RPS6KA2: variants seen among roughly 807,000 people sequenced by gnomAD.
RPS6KA2 encodes ribosomal protein S6 kinase A2.
Under a neutral mutation model 91.8 loss-of-function variants are expected in RPS6KA2, and 42 were observed. That is an observed-to-expected ratio of 0.46 (90% CI 0.36 to 0.59). The LOEUF (loss-of-function observed/expected upper bound fraction) is 0.59, where lower values mean the gene tolerates loss of function less well. Among genes scored for constraint, RPS6KA2 ranks in the 20% least tolerant of loss-of-function variants. RPS6KA2 has a pLI of 0.00. For missense variants in RPS6KA2, 798 were observed against 978.5 expected, an observed-to-expected ratio of 0.82 and a Z score of 2.46; for synonymous variants, 414 against 393.6, an observed-to-expected ratio of 1.05 and a Z score of -0.61.
chr6:166,601,525 A>G (rs953786127), intron 1 of RPS6KA2, among the ~76,000 whole-genome samples: 1 of 152,228 alleles, frequency 6.6e-6, no homozygotes, highest in African/African-American at 2.4e-5. Context: ...CTTCTTTTAA[A>G]CTGATGGTTA....
chr6:166,851,054 A>G (rs1285792009), intron 2 of RPS6KA2, among the ~76,000 whole-genome samples: 2 of 152,236 alleles, frequency 1.3e-5, no homozygotes, highest in Admixed American at 1.3e-4. Context: ...TCTCTGCTAT[A>G]CTTAGCAAAT....
At chr6:166,859,371 C>G (rs975046783) in intron 1 of RPS6KA2, among the ~76,000 whole-genome samples, 5 of 152,202 alleles carry the variant, frequency 3.3e-5, no homozygotes, top group African/African-American at 1.2e-4. Flanking sequence ...TATCTTGCCC[C>G]CAAAGCACGC....
intron 2 of RPS6KA2, among the ~76,000 whole-genome samples, chr6:166,724,209 T>G (rs1790270898): frequency 6.6e-6 from 1 of 152,200 alleles, no homozygotes; most frequent in African/African-American, 2.4e-5. Flanking sequence ...TTGCCTCTGA[T>G]TTGTGGTATC....
At chr6:166,582,020 T>C in intron 1 of RPS6KA2, among the ~76,000 whole-genome samples, 1 of 106,702 alleles carries the variant, frequency 9.4e-6, no homozygotes, top group Non-Finnish European at 1.8e-5. Context: ...TGAGATGGGG[T>C]GGGACGTCCA....
At chr6:166,631,773 C>T (rs9364862), upstream of RPS6KA2, among the ~76,000 whole-genome samples, 42,375 of 152,028 alleles carry the variant, frequency 0.28, 5,998 homozygotes, top group East Asian at 0.39. Context: ...GACAGTGGAA[C>T]CCAAGAGATA....
At chr6:166,469,092 G>A (rs758179859) in intron 11 of RPS6KA2, among the ~76,000 whole-genome samples, 7 of 152,180 alleles carry the variant, frequency 4.6e-5, no homozygotes, top group Admixed American at 1.3e-4. Context: ...AACAGCCTCC[G>A]AGTTTTAGCC....
intron 2 of RPS6KA2, among the ~76,000 whole-genome samples, chr6:166,788,496 C>T (rs1299152626): frequency 6.6e-6 from 1 of 152,158 alleles, no homozygotes; most frequent in African/African-American, 2.4e-5. Context: ...CCATGGAATA[C>T]TATGCAGCTA....
At chr6:166,510,948 G>A (rs1782461910) in intron 3 of RPS6KA2, among the ~76,000 whole-genome samples, 1 of 151,996 alleles carries the variant, frequency 6.6e-6, no homozygotes. Context: ...TTCGTCTGTA[G>A]AATGTTCCAC....
Position 166,419,853 on chromosome 6 carries a change from C to G in RPS6KA2, c.1820+29G>C. On this transcript the variant is annotated intron_variant, in intron 18 of 20. Coordinates refer to ENST00000265678, the MANE Select transcript of RPS6KA2 (RefSeq NM_021135.6). The surrounding 1 kb of genome is among the most constrained non-coding windows in gnomAD (Gnocchi z 5.6). The stretch of plus-strand genomic sequence containing the variant: ...CTGAGGCTGCTGCCCTGTGTCTCCT[C>G]CTGACACCTGTTTGAGGTGACTGCT... The G allele has an allele frequency of 6.2e-7, 1 of 1,602,030 alleles. No homozygotes were observed.
intron 1 of RPS6KA2, among the ~76,000 whole-genome samples, chr6:166,593,710 C>A (rs182496033): frequency 6.6e-6 from 1 of 151,478 alleles, no homozygotes; most frequent in Non-Finnish European, 1.5e-5. Flanking sequence ...AGAGCTCTTA[C>A]GAATCAGTAA....
chr6:166,677,384 C>T (rs1407519695), intron 2 of RPS6KA2, among the ~76,000 whole-genome samples: 1 of 141,752 alleles, frequency 7.1e-6, no homozygotes, highest in African/African-American at 2.6e-5. Flanking sequence ...TTTTTTGAGA[C>T]AGGGTCTCAC....
At chr6:166,702,837 C>A in intron 2 of RPS6KA2, 1 of 996,276 alleles carries the variant, frequency 1.0e-6, no homozygotes, top group Non-Finnish European at 1.6e-6. Flanking sequence ...ACGGTTTGTT[C>A]ATTGTGAAGA....
In RPS6KA2 at chr6:166,459,197, C is replaced by A. The variant is rs9295347; in HGVS notation, c.1075+252G>T. 8.7e-3 allele frequency among the ~76,000 whole-genome samples: 1,329 copies of A among 152,228 alleles called. 17 individuals carry two copies. Among genetic ancestry groups the A allele is most frequent in the African/African-American group, 0.031 (1,285 of 41,526 alleles). On this transcript the variant is annotated intron_variant, in intron 12 of 20. Coordinates refer to ENST00000265678, the MANE Select transcript of RPS6KA2 (RefSeq NM_021135.6). This position sits in a 1 kb window ranked among gnomAD's most constrained non-coding sequence, Gnocchi z 4.9. ...TCTCTGACACAGGAAGTAACTGGAC[C>A]GGTGTCTTGGAATAAGGATACCTTC...
chr6:166,679,763 G>A (rs1788728416), intron 2 of RPS6KA2, among the ~76,000 whole-genome samples: 1 of 152,232 alleles, frequency 6.6e-6, no homozygotes, highest in Non-Finnish European at 1.5e-5. Flanking sequence ...TGTGGAGGGA[G>A]CGGCGCGGGC....
chr6:166,568,311 T>G (rs1267959734), intron 1 of RPS6KA2, among the ~76,000 whole-genome samples: 1 of 152,104 alleles, frequency 6.6e-6, no homozygotes, highest in Non-Finnish European at 1.5e-5. Flanking sequence ...AAAAGAAAAT[T>G]GAATCCAAAA....
intron 1 of RPS6KA2, among the ~76,000 whole-genome samples, chr6:166,578,529 C>G (rs1035737329): frequency 3.0e-4 from 45 of 152,338 alleles, no homozygotes; most frequent in African/African-American, 9.9e-4. Context: ...TGAAGTTTAA[C>G]AGTGTTAAAT....
chr6:166,664,466 T>C (rs186502675), intron 2 of RPS6KA2, among the ~76,000 whole-genome samples: 2 of 152,316 alleles, frequency 1.3e-5, no homozygotes, highest in Admixed American at 6.5e-5. Flanking sequence ...TCAGAAGATA[T>C]TTTAAGGGCA....
rs1194303873 is a variant in RPS6KA2, at chr6:166,459,366, G to C, written c.1075+83C>G. The C allele has an allele frequency of 1.9e-5, 15 of 795,570 alleles. No individual in the cohort carries two copies. The highest frequency in any genetic ancestry group is 9.6e-5 in the South Asian group (6 of 62,454). The allele number at this position is 795,570 out of a possible 1,614,324, so 49.3% of individuals were successfully genotyped here. A position where few individuals can be genotyped will look rare whatever the true frequency, so the allele number is the denominator to read the frequency against. ...TTCCATGAAAAGAATTCTGAGGCAT[G>C]GGAATTTCTTGTTCCTAGATATCTG... On this transcript the variant is annotated intron_variant, in intron 12 of 20. Coordinates refer to ENST00000265678, the MANE Select transcript of RPS6KA2 (RefSeq NM_021135.6). The surrounding 1 kb of genome is among the most constrained non-coding windows in gnomAD (Gnocchi z 4.9).
At chr6:166,778,281 A>C (rs1167736066) in intron 2 of RPS6KA2, among the ~76,000 whole-genome samples, 1 of 152,242 alleles carries the variant, frequency 6.6e-6, no homozygotes, top group East Asian at 1.9e-4. Context: ...CTCTGCAACG[A>C]CTGGCGCCGG....
Sources: gnomAD v4.1 joint callset for allele counts (sites outside exome capture counted in the v4.1 genomes callset) on GRCh38, gnomAD v4.1.1 for gene constraint, Gnocchi (gnomAD v3.1) non-coding constraint, MANE v1.5 for transcripts, NCBI Gene and HGNC (gene_info 2026-07-23, HGNC 2026-07-21) for gene names.